Variants in BORA observed in about 807,000 individuals in gnomAD.
BORA encodes BORA aurora kinase A activator.
BORA carries 26 observed loss-of-function variants against 55.8 expected under a neutral mutation model. The observed-to-expected ratio is 0.47, with a 90% CI of 0.34 to 0.65. The LOEUF (loss-of-function observed/expected upper bound fraction) is 0.65, where lower values mean the gene tolerates loss of function less well. Ranked by LOEUF, BORA falls within the 30% of genes least tolerant of loss-of-function variation. The pLI is 0.01. For missense variants in BORA, 568 were observed against 671.5 expected (o/e 0.85, Z 1.70); for synonymous variants, 201 against 216.9 (o/e 0.93, Z 0.64).
rs1342391675 is a variant in BORA, at chr13:72,746,933, T to C, written c.1304T>C (p.Met435Thr). The C allele has an allele frequency of 5.6e-6, 9 of 1,613,998 alleles. No homozygotes were observed. Among genetic ancestry groups the C allele is most frequent in the East Asian group, 2.2e-5 (1 of 44,882 alleles). The change falls in exon 10 of 12, where the codon ATG becomes ACG. Residue 435 changes from methionine (M) to threonine (T), a missense_variant. Physicochemically the swap from Met to Thr is moderately conservative, Grantham distance 81. Coordinates refer to ENST00000390667, the MANE Select transcript of BORA (RefSeq NM_024808.5). ...GAGAAAGACAATAACACTGTGGATA[T>C]GGTTGATCCTATAGAGATAGCAGAT... ...EREKDNNTVDMVDPIEIADET... is the reference protein window; with the variant it reads ...EREKDNNTVDTVDPIEIADET...
At chr13:72,734,383 T>A (rs1474316330) in intron 3 of BORA, among the ~76,000 whole-genome samples, 1 of 152,180 alleles carries the variant, frequency 6.6e-6, no homozygotes, top group Non-Finnish European at 1.5e-5. Context: ...ATATTAAATC[T>A]TGTAGCTGAG....
chr13:72,755,261 A>T lies in BORA; in HGVS notation c.*45A>T, dbSNP rs144607013. The T allele has an allele frequency of 1.3e-6, 2 of 1,509,310 alleles. No homozygotes were observed. Among genetic ancestry groups the T allele is most frequent in the Admixed American group, 3.3e-5 (2 of 59,822 alleles). 93.5% of individuals were successfully genotyped at this position (1,509,310 alleles called of 1,614,324 possible). The stretch of plus-strand genomic sequence containing the variant: ...AAGACTAAGCTTAAGAGTTCCTCGC[A>T]TATATCGTTGTGCACAGGATCAACA... On this transcript the variant is annotated 3_prime_UTR_variant, in exon 12 of 12. Coordinates refer to ENST00000390667, the MANE Select transcript of BORA (RefSeq NM_024808.5).
At chr13:72,729,272 G>T (rs888689112) in intron 2 of BORA, among the ~76,000 whole-genome samples, 179 bp downstream of exon 2, 2 of 121,596 alleles carry the variant, frequency 1.6e-5, no homozygotes, top group Admixed American at 1.0e-4. Flanking sequence ...AGGTTAATAA[G>T]TTAGCTAGAA....
At chr13:72,744,420 G>A (rs894387947) in intron 6 of BORA, 85 bp from the exon 7 acceptor site, 1 of 1,126,956 alleles carries the variant, frequency 8.9e-7, no homozygotes, top group African/African-American at 1.6e-5. Context: ...ATGATTGACT[G>A]GGCAGCACAT....
chr13:72,736,351 C>T (rs1403816276), intron 4 of BORA, among the ~76,000 whole-genome samples: 2 of 152,028 alleles, frequency 1.3e-5, no homozygotes, highest in African/African-American at 4.8e-5. Context: ...CCTCCTGTTT[C>T]CCCATCCCAC....
chr13:72,735,556 T>C (rs566811337), intron 4 of BORA, among the ~76,000 whole-genome samples: 1 of 152,234 alleles, frequency 6.6e-6, no homozygotes, highest in Non-Finnish European at 1.5e-5. Flanking sequence ...GTTTTTTGCT[T>C]TTTTATGTCT....
At chr13:72,734,843 G>A (rs2032886136) in intron 3 of BORA, 117 bp from the exon 4 acceptor site, 1 of 679,698 alleles carries the variant, frequency 1.5e-6, no homozygotes, top group African/African-American at 1.8e-5. Flanking sequence ...TATAAAGTGA[G>A]CTTAACATTT....
chr13:72,751,744 G>C (rs2033280336), intron 10 of BORA, among the ~76,000 whole-genome samples: 2 of 152,170 alleles, frequency 1.3e-5, no homozygotes. Context: ...GATTTTGAAA[G>C]TTCCCAACGC....
chr13:72,751,707 G>A (rs922488408), intron 10 of BORA, among the ~76,000 whole-genome samples: 7 of 152,078 alleles, frequency 4.6e-5, no homozygotes, highest in African/African-American at 9.7e-5. Flanking sequence ...ACAATTTATC[G>A]TATATTTTCA....
rs1194694230 is a variant in BORA, at chr13:72,731,458, T to C, written c.260+71T>C. ...GAAGAGAGGTAGGAAATTCTAAATGTTGAGTATTTTTCTATGTAAAGGTAT... is the reference window on the plus strand; with the variant it reads ...GAAGAGAGGTAGGAAATTCTAAATGCTGAGTATTTTTCTATGTAAAGGTAT... On this transcript the variant is annotated intron_variant, in intron 3 of 11. Coordinates refer to ENST00000390667, the MANE Select transcript of BORA (RefSeq NM_024808.5). 38 of 1,167,566 alleles carry C rather than the reference T, an allele frequency of 3.3e-5. No homozygotes were observed. The East Asian group carries it at 8.9e-4, about 27-fold the overall frequency. The allele number at this position is 1,167,566 out of a possible 1,614,324, so 72.3% of individuals were successfully genotyped here. A position where few individuals can be genotyped will look rare whatever the true frequency, so the allele number is the denominator to read the frequency against.
chr13:72,735,706 T>G (rs2032909967), intron 4 of BORA, among the ~76,000 whole-genome samples: 1 of 152,062 alleles, frequency 6.6e-6, no homozygotes, highest in South Asian at 2.1e-4. Flanking sequence ...GCCTCCCAGG[T>G]TCAAGTGATT....
chr13:72,736,307 G>A (rs917094982), intron 4 of BORA, among the ~76,000 whole-genome samples: 6 of 151,712 alleles, frequency 4.0e-5, no homozygotes, highest in Non-Finnish European at 8.8e-5. Flanking sequence ...TATACATATA[G>A]TAAAAACAAA....
At chr13:72,754,679 A>G (rs2033395820) in intron 11 of BORA, 1 of 152,296 alleles carries the variant, frequency 6.6e-6, no homozygotes, top group African/African-American at 2.4e-5. Context: ...GTCTATCTAA[A>G]CATAAGTAGA....
chr13:72,753,911 CTA>C (rs2033356427), intron 11 of BORA, 90 bp downstream of exon 11: 9 of 1,258,714 alleles, frequency 7.2e-6, no homozygotes, highest in Non-Finnish European at 6.5e-6. Context: ...TATTGAGAAA[CTA>C]TATGAAATTT....
chr13:72,747,181 G>T, intron 10 of BORA, 70 bp downstream of exon 10: 2 of 1,488,514 alleles, frequency 1.3e-6, no homozygotes, highest in Non-Finnish European at 1.8e-6. Flanking sequence ...TAAGATTATA[G>T]TATAAGAAAG....
Position 72,728,930 on chromosome 13 carries a change from C to T in BORA, c.-11C>T. 6.4e-7 allele frequency: 1 copy of T among 1,566,230 alleles called. No homozygotes were observed. Among genetic ancestry groups the T allele is most frequent in the Non-Finnish European group, 8.6e-7 (1 of 1,164,808 alleles). ...ATACTCTTGATTTCTTTTTAGTTTT[C>T]TCTCTGTGCTATGGGAGATGTCAAG... On this transcript the variant is annotated 5_prime_UTR_variant, in exon 2 of 12. Coordinates refer to ENST00000390667, the MANE Select transcript of BORA (RefSeq NM_024808.5).
At position 72,755,298 on chromosome 13, in the gene BORA, G is replaced by C; in HGVS notation, c.*82G>C. 8.2e-7 allele frequency: 1 copy of C among 1,225,174 alleles called. No homozygotes were observed. Among genetic ancestry groups the C allele is most frequent in the South Asian group, 1.3e-5 (1 of 77,374 alleles). 75.9% of individuals were successfully genotyped at this position (1,225,174 alleles called of 1,614,324 possible). A position where few individuals can be genotyped will look rare whatever the true frequency, so the allele number is the denominator to read the frequency against. On this transcript the variant is annotated 3_prime_UTR_variant, in exon 12 of 12. Coordinates refer to ENST00000390667, the MANE Select transcript of BORA (RefSeq NM_024808.5). The stretch of plus-strand genomic sequence containing the variant: ...GCACAGGATCAACATGATGGTGACT[G>C]GGAAAAAATTACTTCAAGTAACATG...
At chr13:72,740,034 T>C (rs2033005873) in intron 5 of BORA, among the ~76,000 whole-genome samples, 1 of 151,834 alleles carries the variant, frequency 6.6e-6, no homozygotes, top group Non-Finnish European at 1.5e-5. Context: ...GTCAGTCAGG[T>C]AGGCCATATG....
chr13:72,751,724 T>C (rs1566229695), intron 10 of BORA, among the ~76,000 whole-genome samples: 2 of 152,202 alleles, frequency 1.3e-5, no homozygotes, highest in Non-Finnish European at 2.9e-5. Context: ...TTCAAATAGC[T>C]TGAAGAGCAG....
Sources: gnomAD v4.1 joint callset for allele counts (sites outside exome capture counted in the v4.1 genomes callset) on GRCh38, gnomAD v4.1.1 for gene constraint, MANE v1.5 for transcripts, NCBI Gene and HGNC (gene_info 2026-07-23, HGNC 2026-07-21) for gene names.